Variants in COL9A1 observed in about 807,000 individuals in gnomAD.
COL9A1 encodes collagen alpha-1(IX) chain.
A neutral mutation model predicts 142.6 loss-of-function variants in COL9A1; 104 were observed. The observed-to-expected ratio is 0.73, with a 90% CI of 0.62 to 0.86. The LOEUF (loss-of-function observed/expected upper bound fraction) is 0.86. COL9A1 is among the 40% of genes least tolerant of loss of function. The pLI is 0.00. For synonymous variants in COL9A1, 466 were observed against 396.0 expected (o/e 1.18, Z -2.10); for missense variants, 1,210 against 1,176.6 (o/e 1.03, Z -0.42).
chr6:70,282,096 G>A (rs995686144), intron 7 of COL9A1, among the ~76,000 whole-genome samples: 1 of 152,174 alleles, frequency 6.6e-6, no homozygotes, highest in African/African-American at 2.4e-5. Flanking sequence ...ACCCTGGGGC[G>A]TGACCCCTTT....
chr6:70,219,326 A>G (rs1400859900), intron 37 of COL9A1, among the ~76,000 whole-genome samples: 1 of 152,200 alleles, frequency 6.6e-6, no homozygotes, highest in Non-Finnish European at 1.5e-5. Context: ...CATTGAGATC[A>G]GGGGTGGGCA....
At chr6:70,237,391 TTGTC>T (rs1379619742) in intron 33 of COL9A1, among the ~76,000 whole-genome samples, 1 of 152,206 alleles carries the variant, frequency 6.6e-6, no homozygotes, top group African/African-American at 2.4e-5. Flanking sequence ...CTTCACAACT[TTGTC>T]TATGCTGAAA....
At chr6:70,255,849 G>C (rs1771255748) in intron 21 of COL9A1, among the ~76,000 whole-genome samples, 1 of 152,104 alleles carries the variant, frequency 6.6e-6, no homozygotes, top group African/African-American at 2.4e-5. Context: ...ATACGCTACA[G>C]GTGGTAATAG....
At chr6:70,247,567 C>A (rs1407545266) in intron 28 of COL9A1, among the ~76,000 whole-genome samples, 1 of 152,148 alleles carries the variant, frequency 6.6e-6, no homozygotes, top group African/African-American at 2.4e-5. Context: ...ATATTAAGTG[C>A]CTCTCTCTGG....
intron 36 of COL9A1, 102 bp downstream of exon 36, chr6:70,232,481 G>T: frequency 1.6e-6 from 2 of 1,252,536 alleles, no homozygotes; most frequent in South Asian, 1.2e-5. Context: ...TATCTCACTG[G>T]ATATTCAGAA....
At chr6:70,253,022 A>G (rs1053679345) in intron 26 of COL9A1, among the ~76,000 whole-genome samples, 3 of 152,198 alleles carry the variant, frequency 2.0e-5, no homozygotes, top group African/African-American at 7.2e-5. Context: ...ATGTGAAAAA[A>G]AAAATGCCTA....
At chr6:70,233,916 G>C (rs1583220358) in intron 35 of COL9A1, among the ~76,000 whole-genome samples, 1 of 152,162 alleles carries the variant, frequency 6.6e-6, no homozygotes, top group East Asian at 1.9e-4. Context: ...GGGTGCTTTT[G>C]CACATCTTCA....
intron 7 of COL9A1, 45 bp downstream of exon 7, chr6:70,282,853 T>C (rs747938593): frequency 1.2e-6 from 2 of 1,613,886 alleles, no homozygotes; most frequent in South Asian, 1.1e-5. Context: ...CGACCTGTCC[T>C]CGTGTGCGCT....
At chr6:70,287,106 G>A (rs1405643204) in intron 5 of COL9A1, among the ~76,000 whole-genome samples, 7 of 152,098 alleles carry the variant, frequency 4.6e-5, no homozygotes, top group African/African-American at 1.7e-4. Flanking sequence ...ATATGTGCAT[G>A]CACATATATG....
intron 5 of COL9A1, among the ~76,000 whole-genome samples, chr6:70,287,371 AT>A (rs1773498006): frequency 6.6e-6 from 1 of 152,142 alleles, no homozygotes; most frequent in South Asian, 2.1e-4. Flanking sequence ...AAAGATAAGG[AT>A]GGGGAAAGCT....
At chr6:70,219,038 T>C (rs1768710292) in intron 37 of COL9A1, among the ~76,000 whole-genome samples, 1 of 152,142 alleles carries the variant, frequency 6.6e-6, no homozygotes, top group African/African-American at 2.4e-5. Context: ...TGAGAAAGCT[T>C]CTCCCTAATC....
chr6:70,282,941 A>C (rs775961431), intron 6 of COL9A1, 23 bp from the exon 7 acceptor site: 2 of 1,614,034 alleles, frequency 1.2e-6, no homozygotes, highest in South Asian at 1.1e-5. Flanking sequence ...AGATGGGGAG[A>C]AAGTGAGAAA....
In COL9A1 at chr6:70,260,412, A is replaced by G. The variant is rs113677659; in HGVS notation, c.1449+245T>C. Among the ~76,000 whole-genome samples, 28,135 of 151,844 alleles carry G rather than the reference A, an allele frequency of 0.19. 3,625 individuals carry two copies. The highest frequency in any genetic ancestry group is 0.36 in the African/African-American group (14,943 of 41,346). ...ACAAAAATTAGCCGGGCGTGGTGGC[A>G]GGCGCCTGTAATCCCAGCTGCTCTA... On this transcript the variant is annotated intron_variant, in intron 20 of 37. Coordinates refer to ENST00000357250, the MANE Select transcript of COL9A1 (RefSeq NM_001851.6).
chr6:70,242,793 T>C, intron 28 of COL9A1, 78 bp from the exon 29 acceptor site: 2 of 1,411,442 alleles, frequency 1.4e-6, no homozygotes, highest in South Asian at 2.3e-5. Flanking sequence ...TAAAATAACA[T>C]CCTACCTAGG....
chr6:70,218,516 T>C (rs890499860), intron 37 of COL9A1, among the ~76,000 whole-genome samples: 20 of 152,322 alleles, frequency 1.3e-4, no homozygotes, highest in African/African-American at 3.8e-4. Context: ...GTAAAACAAA[T>C]TGTGTATGCC....
Position 70,262,762 on chromosome 6 carries a change from C to T in COL9A1, c.1395+482G>A, listed in dbSNP as rs111762773. On this transcript the variant is annotated intron_variant, in intron 19 of 37. Coordinates refer to ENST00000357250, the MANE Select transcript of COL9A1 (RefSeq NM_001851.6). ...ATTATTGCAGAAATCTGCTAAAGCA[C>T]GAGGGACCAATTTTTTATTAAAAGA... Among the ~76,000 whole-genome samples, 364 of 152,198 alleles carry T rather than the reference C, an allele frequency of 2.4e-3. 2 individuals are homozygous for T. The highest frequency in any genetic ancestry group is 8.4e-3 in the African/African-American group (347 of 41,526).
intron 2 of COL9A1, among the ~76,000 whole-genome samples, chr6:70,301,653 C>T (rs1165569603): frequency 6.6e-6 from 1 of 152,170 alleles, no homozygotes; most frequent in Non-Finnish European, 1.5e-5. Flanking sequence ...TTATACTCTC[C>T]TCACCCCAAA....
intron 26 of COL9A1, 79 bp downstream of exon 26, chr6:70,253,306 A>T (rs911052979): frequency 3.0e-6 from 3 of 1,010,914 alleles, no homozygotes; most frequent in Non-Finnish European, 4.5e-6. Context: ...ACATGCTGAA[A>T]ATATTAAAAA....
intron 13 of COL9A1, 57 bp downstream of exon 13, chr6:70,272,008 T>G: frequency 1.9e-6 from 3 of 1,541,842 alleles, no homozygotes; most frequent in Non-Finnish European, 1.8e-6. Flanking sequence ...GGTGGGGATT[T>G]GAGAAATAGG....
Sources: gnomAD v4.1 joint callset for allele counts (sites outside exome capture counted in the v4.1 genomes callset) on GRCh38, gnomAD v4.1.1 for gene constraint, MANE v1.5 for transcripts, NCBI Gene and HGNC (gene_info 2026-07-23, HGNC 2026-07-21) for gene names.